Variants in IWS1 observed in about 807,000 individuals in gnomAD.
The protein encoded by IWS1 is interacts with SUPT6H, CTD assembly factor 1, also known as protein IWS1 homolog.
Under a neutral mutation model 86.7 loss-of-function variants are expected in IWS1, and 27 were observed. That is an observed-to-expected ratio of 0.31 (90% confidence interval 0.23 to 0.43). The LOEUF is 0.43. IWS1 is among the 20% of genes least tolerant of loss of function. IWS1 has a pLI of 1.00. For synonymous variants in IWS1, 313 were observed against 335.1 expected (o/e 0.93, Z 0.72); for missense variants, 827 against 1,000.8 (o/e 0.83, Z 2.34).
intron 13 of IWS1, among the ~76,000 whole-genome samples, 161 bp from the exon 14 acceptor site, chr2:127,481,336 T>C (rs181936220): frequency 1.3e-3 from 191 of 152,216 alleles, no homozygotes; most frequent in East Asian, 3.9e-4. Flanking sequence ...CAAGTATAGA[T>C]GGTGTTAGAA....
chr2:127,483,604 CTGTGTGTG>C (rs1292081664), intron 13 of IWS1, among the ~76,000 whole-genome samples: 1 of 26,032 alleles, frequency 3.8e-5, no homozygotes, highest in South Asian at 1.9e-3. Context: ...GGGGGTTGGG[CTGTGTGTG>C]TGTGTGTGTG....
Position 127,523,702 on chromosome 2 carries a change from T to G in IWS1, c.124A>C (p.Thr42Pro), listed in dbSNP as rs747069467. Residue 42 changes from threonine (T) to proline (P), a missense_variant, in exon 2 of 14, where the codon ACT becomes CCT. Coordinates refer to ENST00000295321, the MANE Select transcript of IWS1 (RefSeq NM_017969.3). ...DVNEQHSGSDTGSVERHSENE... is the reference protein window; with the variant it reads ...DVNEQHSGSDPGSVERHSENE... ...TCTGAATGACGTTCTACACTTCCAG[T>G]GTCTGATCCGGAGTGTTGCTCATTT... The G allele has an allele frequency of 1.9e-5, 31 of 1,613,534 alleles. No individual in the cohort carries two copies. Among genetic ancestry groups the G allele is most frequent in the Non-Finnish European group, 2.5e-5 (30 of 1,179,650 alleles).
intron 5 of IWS1, chr2:127,501,679 C>T (rs761864801): frequency 6.6e-6 from 1 of 152,218 alleles, no homozygotes; most frequent in East Asian, 1.9e-4. Flanking sequence ...TAATCTGATG[C>T]TAAACTCATC....
intron 12 of IWS1, among the ~76,000 whole-genome samples, chr2:127,487,727 T>G (rs2104658169): frequency 6.6e-6 from 1 of 152,260 alleles, no homozygotes; most frequent in East Asian, 1.9e-4. Flanking sequence ...ATTTTTTGTA[T>G]TTTTAGTAGA....
intron 2 of IWS1, among the ~76,000 whole-genome samples, chr2:127,507,784 C>G (rs537123871): frequency 1.3e-5 from 2 of 152,340 alleles, no homozygotes; most frequent in East Asian, 3.9e-4. Context: ...CATTCCTAAT[C>G]TGAAAATTCA....
At chr2:127,523,428 C>A (rs1003543458) in intron 2 of IWS1, among the ~76,000 whole-genome samples, 2 of 152,160 alleles carry the variant, frequency 1.3e-5, no homozygotes, top group African/African-American at 4.8e-5. Context: ...TTTTCTGAAT[C>A]AATATGCACA....
rs1419283644 is a variant in IWS1 at position 127,483,571 on chromosome 2, C to CGGGGGGGGGGG, written c.2329-2397_2329-2396insCCCCCCCCCCC. Among the ~76,000 whole-genome samples, 20 of 20,156 alleles carry CGGGGGGGGGGG rather than the reference C, an allele frequency of 9.9e-4. 1 individual carries two copies. Among genetic ancestry groups the CGGGGGGGGGGG allele is most frequent in the Admixed American group, 2.2e-3 (3 of 1,360 alleles). The allele number at this position is 20,156 out of a possible 152,430, so 13.2% of individuals were successfully genotyped here. On this transcript the variant is annotated intron_variant, in intron 13 of 13. Coordinates refer to ENST00000295321, the MANE Select transcript of IWS1 (RefSeq NM_017969.3). ...AAAATAACCAAAATTATAATTTGGT[C>CGGGGGGGGGGG]GGGGCGGGGGGTGGTGGGGTGGGGG... is the stretch of plus-strand genomic sequence containing the variant.
Position 127,526,397 on chromosome 2 carries a change from G to T in IWS1, c.-189C>A. 6.5e-7 allele frequency: 1 copy of T among 1,536,170 alleles called. No individual in the cohort carries two copies. The highest frequency in any genetic ancestry group is 1.4e-5 in the African/African-American group (1 of 73,148). ...AATTCTTTGACCTGGAAGCCCCGGC[G>T]GAAAAGGCCGTACCCGGCAGGCTGG... On this transcript the variant is annotated 5_prime_UTR_variant, in exon 1 of 14. Coordinates refer to ENST00000295321, the MANE Select transcript of IWS1 (RefSeq NM_017969.3).
chr2:127,498,172 T>C lies in IWS1; in HGVS notation c.1533A>G (p.Ser511=). ...CTCTCTTTATGTTATCATCAGAATCTGAATCTTCTGCTTCTTTTACCTGTG... is the reference window on the plus strand; with the variant it reads ...CTCTCTTTATGTTATCATCAGAATCCGAATCTTCTGCTTCTTTTACCTGTG... ...GETQVKEAED[S]DSDDNIKRGK... The change falls in exon 6 of 14, where the codon TCA becomes TCG. Residue 511 remains serine (S), a synonymous_variant. Coordinates refer to ENST00000295321, the MANE Select transcript of IWS1 (RefSeq NM_017969.3). The C allele has an allele frequency of 6.3e-7, 1 of 1,588,258 alleles. No individual in the cohort carries two copies. Among genetic ancestry groups the C allele is most frequent in the South Asian group, 1.1e-5 (1 of 90,416 alleles).
intron 2 of IWS1, among the ~76,000 whole-genome samples, chr2:127,506,245 G>A (rs1013412518): frequency 1.3e-5 from 2 of 152,138 alleles, no homozygotes; most frequent in African/African-American, 4.8e-5. Flanking sequence ...GTGGACACCT[G>A]TAATCCCAGC....
rs543430327 is a variant in IWS1, at chr2:127,499,114, G to A, written c.1468-877C>T. Among the ~76,000 whole-genome samples the A allele has an allele frequency of 2.1e-3, 295 of 139,562 alleles. 1 individual carries two copies. The highest frequency in any genetic ancestry group is 7.5e-3 in the African/African-American group (277 of 37,020). 91.6% of individuals were successfully genotyped at this position (139,562 alleles called of 152,430 possible). Reference sequence around the variant, plus strand: ...CTTTTTCTTTTTTTTTTTTTGAGACGGAGTCTCACTGTGTCGCCCAGGCCA... The same window carrying A: ...CTTTTTCTTTTTTTTTTTTTGAGACAGAGTCTCACTGTGTCGCCCAGGCCA... On this transcript the variant is annotated intron_variant, in intron 5 of 13. Transcript: ENST00000295321. This position sits in a 1 kb window ranked among gnomAD's most constrained non-coding sequence, Gnocchi z 4.0.
chr2:127,505,531 C>A lies in IWS1; in HGVS notation c.372G>T (p.Glu124Asp). The A allele has an allele frequency of 6.2e-7, 1 of 1,614,010 alleles. No homozygotes were observed. The highest frequency in any genetic ancestry group is 8.5e-7 in the Non-Finnish European group (1 of 1,179,950). ...NQHGSDSESE[E>D]TRKLPGSDSE... ...AGTCACTACCAGGTAATTTCCTGGT[C>A]TCTTCACTCTCAGAGTCGCTCCCAT... The change falls in exon 3 of 14, where the codon GAG becomes GAT. Residue 124 changes from glutamate to aspartate, a missense_variant. By Grantham distance (45) the Glu-to-Asp change is conservative. Around this residue, in one of 2 missense-constraint regions of IWS1, gnomAD observed 548 missense variants for 560.2 expected, o/e 0.98. Coordinates refer to ENST00000295321, the MANE Select transcript of IWS1 (RefSeq NM_017969.3). The surrounding 1 kb of genome is among the most constrained non-coding windows in gnomAD (Gnocchi z 5.0).
chr2:127,492,558 A>C (rs995467837), intron 9 of IWS1, among the ~76,000 whole-genome samples: 1 of 152,058 alleles, frequency 6.6e-6, no homozygotes, highest in African/African-American at 2.4e-5. Context: ...AAAAAAAAAA[A>C]AACAAAAAGA....
intron 4 of IWS1, among the ~76,000 whole-genome samples, 186 bp downstream of exon 4, chr2:127,503,201 C>T (rs1302591570): frequency 6.6e-6 from 1 of 152,192 alleles, no homozygotes; most frequent in Non-Finnish European, 1.5e-5. Context: ...TGCTTTCTTT[C>T]ACTTAACATG....
intron 13 of IWS1, among the ~76,000 whole-genome samples, chr2:127,485,306 ACACT>A (rs1438639577): frequency 1.3e-5 from 2 of 152,196 alleles, no homozygotes; most frequent in Non-Finnish European, 2.9e-5. Context: ...CAACACACAC[ACACT>A]GTGTGTGCTC....
At chr2:127,482,804 T>C (rs1454174801) in intron 13 of IWS1, 1 of 152,152 alleles carries the variant, frequency 6.6e-6, no homozygotes, top group East Asian at 1.9e-4. Context: ...CCAAGTTCAA[T>C]GATCTCTCTC....
intron 1 of IWS1, among the ~76,000 whole-genome samples, 157 bp downstream of exon 1, chr2:127,526,018 G>A (rs1295098157): frequency 6.6e-6 from 1 of 152,222 alleles, no homozygotes; most frequent in Non-Finnish European, 1.5e-5. Flanking sequence ...TAGCTTCGAC[G>A]CTTGCAGCTG....
At chr2:127,498,434 T>C (rs1294451512) in intron 5 of IWS1, among the ~76,000 whole-genome samples, 197 bp from the exon 6 acceptor site, 2 of 152,252 alleles carry the variant, frequency 1.3e-5, no homozygotes, top group Non-Finnish European at 2.9e-5. Flanking sequence ...AGTCTGTTTA[T>C]ATAAGCACTT....
chr2:127,495,237 T>C (rs1690452959), intron 7 of IWS1, among the ~76,000 whole-genome samples: 1 of 152,172 alleles, frequency 6.6e-6, no homozygotes, highest in African/African-American at 2.4e-5. Flanking sequence ...TCAGAGTTCA[T>C]TAAAGGTACA....
Sources: allele counts gnomAD v4.1 joint callset (sites outside exome capture counted in the v4.1 genomes callset), GRCh38; gene constraint gnomAD v4.1.1; regional missense constraint gnomAD v4.1.1; non-coding constraint Gnocchi (gnomAD v3.1); transcripts MANE v1.5; gene names NCBI Gene and HGNC (gene_info 2026-07-23, HGNC 2026-07-21).